Variants in NAXE observed in about 807,000 individuals in gnomAD.
NAXE encodes the protein NAD(P)HX epimerase, also known as NAD(P)H-hydrate epimerase.
NAXE carries 25 observed loss-of-function variants against 31.2 expected under a neutral mutation model. The ratio of observed to expected loss-of-function variants is 0.80; its 90% confidence interval spans 0.58 to 1.12. The LOEUF is 1.12. NAXE is among the 50% of genes most tolerant of loss of function. The pLI, the probability that NAXE is intolerant of heterozygous loss-of-function variation, is 0.00. For missense variants in NAXE, 362 were observed against 376.1 expected (o/e 0.96, Z 0.31); for synonymous variants, 144 against 154.5 (o/e 0.93, Z 0.50).
At chr1:156,592,292 G>T (rs1248160216) in intron 2 of NAXE, 73 bp from the exon 3 acceptor site, 13 of 1,602,888 alleles carry the variant, frequency 8.1e-6, no homozygotes, top group Non-Finnish European at 1.1e-5. Flanking sequence ...CAAAGGGGTG[G>T]GAGAGACAGC....
At chr1:156,592,790 G>A in intron 4 of NAXE, 120 bp downstream of exon 4, 1 of 896,846 alleles carries the variant, frequency 1.1e-6, no homozygotes, top group Non-Finnish European at 1.7e-6. Flanking sequence ...CCTAACGGAT[G>A]GTATTCGAAT....
Position 156,591,895 on chromosome 1 carries a change from T to G in NAXE, c.91T>G (p.Ser31Ala). Residue 31 changes from serine to alanine, a missense_variant, in exon 1 of 6, where the codon TCG (serine) becomes GCG (alanine). Physicochemically the swap from Ser to Ala is moderately conservative, Grantham distance 99. Transcript: ENST00000368235. Reference protein sequence around the residue: ...RIKSQTIACRSGPTWWGPQRL... With the variant: ...RIKSQTIACRAGPTWWGPQRL... ...CAAAAGCCAGACCATCGCCTGTCGC[T>G]CGGGACCCACCTGGTGGGGACCGCA... 3 of 1,612,492 alleles carry G rather than the reference T, an allele frequency of 1.9e-6. No homozygotes were observed. The highest frequency in any genetic ancestry group is 2.5e-6 in the Non-Finnish European group (3 of 1,179,724).
Position 156,593,575 on chromosome 1 carries a change from G to A in NAXE, c.664+20G>A, listed in dbSNP as rs769505935. 6.2e-6 allele frequency: 10 copies of A among 1,613,924 alleles called. No individual in the cohort carries two copies. The South Asian group carries it at 1.1e-4, about 18-fold the overall frequency. ...CCTCAGGTGCTGGGATCCAGAAGGT[G>A]GGGTGGGGGAGATTGGGGCCCTACC... On this transcript the variant is annotated intron_variant, in intron 5 of 5. Coordinates refer to ENST00000368235, the MANE Select transcript of NAXE (RefSeq NM_144772.3).
chr1:156,593,644 A>G lies in NAXE; in HGVS notation c.664+89A>G, dbSNP rs777412630. The G allele has an allele frequency of 4.4e-5, 68 of 1,554,944 alleles. 1 individual carries two copies. The Admixed American group carries it at 1.2e-3, about 27-fold the overall frequency. On this transcript the variant is annotated intron_variant, in intron 5 of 5. Transcript: ENST00000368235. ...ACCAGGTCTAAAATAATTTTAGTCT[A>G]GAGGGGCAGAACACAGCTTTCTGGA...
Position 156,591,776 on chromosome 1 carries a change from G to GGCCC in NAXE, c.-28_-27insCCCG. The GGCCC allele has an allele frequency of 7.0e-7, 1 of 1,421,520 alleles. No homozygotes were observed. The highest frequency in any genetic ancestry group is 1.5e-5 in the African/African-American group (1 of 65,872). The allele number at this position is 1,421,520 out of a possible 1,614,324, so 88.1% of individuals were successfully genotyped here. A position where few individuals can be genotyped will look rare whatever the true frequency, so the allele number is the denominator to read the frequency against. The stretch of plus-strand genomic sequence containing the variant: ...GCCGCACATGCGCCGGGGCCGGGCC[G>GGCCC]GGCCGGGGGCGCGCGCTCTGCGAGC... On this transcript the variant is annotated 5_prime_UTR_variant, in exon 1 of 6. Coordinates refer to ENST00000368235, the MANE Select transcript of NAXE (RefSeq NM_144772.3).
Position 156,591,985 on chromosome 1 carries a change from A to G in NAXE, c.181A>G (p.Ser61Gly). ...VMASTVVKYL[S>G]QEEAQAVDQE... is the part of the protein sequence containing the mutation. ...GGCGAGCACGGTGGTGAAGTACCTG[A>G]GGTAGGCACGGGTCTCGGGTGGCCT... Residue 61 changes from serine to glycine, a missense_variant and splice_region_variant, in exon 1 of 6, where the codon AGC becomes GGC. By Grantham distance (56) the Ser-to-Gly change is moderately conservative (BLOSUM62 0). Transcript: ENST00000368235. 1 of 1,612,740 alleles carries G rather than the reference A, an allele frequency of 6.2e-7. No homozygotes were observed. The highest frequency in any genetic ancestry group is 8.5e-7 in the Non-Finnish European group (1 of 1,179,656).
chr1:156,591,969 G>A lies in NAXE; in HGVS notation c.165G>A (p.Thr55=), dbSNP rs201370740. 562 of 1,613,242 alleles carry A rather than the reference G, an allele frequency of 3.5e-4. No individual in the cohort carries two copies. The East Asian group carries it at 0.012, about 34-fold the overall frequency. ...GGGACTCAGAGGTCATGGCGAGCACGGTGGTGAAGTACCTGAGGTAGGCAC... is the reference window on the plus strand; with the variant it reads ...GGGACTCAGAGGTCATGGCGAGCACAGTGGTGAAGTACCTGAGGTAGGCAC... The part of the protein sequence containing the change: ...GRWDSEVMAS[T]VVKYLSQEEA... Residue 55 remains threonine (T), a synonymous_variant, in exon 1 of 6, where the codon ACG becomes ACA. Coordinates refer to ENST00000368235, the MANE Select transcript of NAXE (RefSeq NM_144772.3).
chr1:156,592,358 C>T lies in NAXE; in HGVS notation c.292-7C>T, dbSNP rs375111206. The T allele has an allele frequency of 1.2e-6, 2 of 1,613,676 alleles. No individual in the cohort carries two copies. Among genetic ancestry groups the T allele is most frequent in the Non-Finnish European group, 1.7e-6 (2 of 1,179,674 alleles). On this transcript the variant is annotated splice_region_variant and splice_polypyrimidine_tract_variant and intron_variant, in intron 2 of 5. Transcript: ENST00000368235. Reference sequence around the variant, plus strand: ...CCCCGCCGAACCACCCTTGACTCTGCCTTCAGGCATATCCCCCCACGTCCA... The same window carrying T: ...CCCCGCCGAACCACCCTTGACTCTGTCTTCAGGCATATCCCCCCACGTCCA...
At chr1:156,592,994 C>A in intron 4 of NAXE, 1 of 412,604 alleles carries the variant, frequency 2.4e-6, no homozygotes, top group Non-Finnish European at 4.4e-6. Flanking sequence ...ATCTGAAACC[C>A]TTCCTGCAGA....
chr1:156,591,935 G>T lies in NAXE; in HGVS notation c.131G>T (p.Gly44Val). 1 of 1,612,910 alleles carries T rather than the reference G, an allele frequency of 6.2e-7. No homozygotes were observed. The change falls in exon 1 of 6, where the codon GGT (glycine) becomes GTT (valine). Residue 44 changes from glycine to valine, a missense_variant. Coordinates refer to ENST00000368235, the MANE Select transcript of NAXE (RefSeq NM_144772.3). ...TGGGGACCGCAGCGGCTGAACTCGG[G>T]TGGCCGCTGGGACTCAGAGGTCATG... ...TWWGPQRLNSGGRWDSEVMAS... is the reference protein window; with the variant it reads ...TWWGPQRLNSVGRWDSEVMAS...
At chr1:156,593,720 C>G (rs1433332677) in intron 5 of NAXE, 162 bp from the exon 6 acceptor site, 3 of 1,323,610 alleles carry the variant, frequency 2.3e-6, no homozygotes, top group Non-Finnish European at 3.1e-6. Context: ...TACATGTTGG[C>G]CCCATGAAGA....
At chr1:156,593,174 T>C in intron 4 of NAXE, 1 of 515,628 alleles carries the variant, frequency 1.9e-6, no homozygotes, top group East Asian at 3.3e-5. Context: ...TCTCAGCCTG[T>C]AGCCTCCCCA....
rs1299902294 is a variant in NAXE at position 156,591,844 on chromosome 1, G to A, written c.40G>A (p.Val14Ile). Residue 14 changes from valine (V) to isoleucine (I), a missense_variant, in exon 1 of 6, where the codon GTT becomes ATT. Transcript: ENST00000368235. The stretch of plus-strand genomic sequence containing the variant: ...GGCGCTGCTGGGCCTCGGGCTGCTG[G>A]TTGCGGGCTCGCGCGTGCCGCGGAT... Reference protein sequence around the residue: ...LRALLGLGLLVAGSRVPRIKS... With the variant: ...LRALLGLGLLIAGSRVPRIKS... 79 of 1,609,854 alleles carry A rather than the reference G, an allele frequency of 4.9e-5. No individual in the cohort carries two copies. Among genetic ancestry groups the A allele is most frequent in the Non-Finnish European group, 6.6e-5 (78 of 1,179,340 alleles).
rs766654154 is a variant in NAXE at position 156,593,208 on chromosome 1, C to G, written c.517-200C>G. 1.4e-5 allele frequency: 9 copies of G among 624,372 alleles called. No homozygotes were observed. In the East Asian group the frequency reaches 2.2e-4, roughly 16 times the overall value. 38.7% of individuals were successfully genotyped at this position (624,372 alleles called of 1,614,324 possible). A position where few individuals can be genotyped will look rare whatever the true frequency, so the allele number is the denominator to read the frequency against. Reference sequence around the variant, plus strand: ...CAGTGGTGGGCAGGCAGGCAGGCACCGAGAACAAAAACTGTCTGGTCTCAA... The same window carrying G: ...CAGTGGTGGGCAGGCAGGCAGGCACGGAGAACAAAAACTGTCTGGTCTCAA... On this transcript the variant is annotated intron_variant, in intron 4 of 5. Transcript: ENST00000368235.
Position 156,592,449 on chromosome 1 carries a change from G to C in NAXE, c.376G>C (p.Val126Leu). 1 of 1,614,154 alleles carries C rather than the reference G, an allele frequency of 6.2e-7. No homozygotes were observed. Among genetic ancestry groups the C allele is most frequent in the Non-Finnish European group, 8.5e-7 (1 of 1,180,032 alleles). Residue 126 changes from valine to leucine, a missense_variant, in exon 3 of 6, where the codon GTC becomes CTC. Physicochemically the swap from Val to Leu is conservative, Grantham distance 32. Transcript: ENST00000368235. The part of the protein sequence containing the change: ...GPGNNGGDGL[V>L]CARHLKLFGY... ...GGGGAATAATGGAGGAGATGGTCTGGTCTGTGCTCGACACCTCAAACTCTT... is the reference window on the plus strand; with the variant it reads ...GGGGAATAATGGAGGAGATGGTCTGCTCTGTGCTCGACACCTCAAACTCTT...
At chr1:156,593,349 C>G in intron 4 of NAXE, 59 bp from the exon 5 acceptor site, 1 of 1,571,742 alleles carries the variant, frequency 6.4e-7, no homozygotes, top group Non-Finnish European at 8.6e-7. Context: ...ACAGCCCTCT[C>G]CAGTTAAGGC....
At position 156,592,091 on chromosome 1, in the gene NAXE, T is replaced by A; in HGVS notation, c.183-10T>A. 1 of 1,614,014 alleles carries A rather than the reference T, an allele frequency of 6.2e-7. No individual in the cohort carries two copies. The highest frequency in any genetic ancestry group is 1.1e-5 in the South Asian group (1 of 91,058). ...CGAGGGGCGGGACTCAGGCCGCGGG[T>A]TTTCCTCAGCCAGGAGGAGGCCCAG... is the stretch of plus-strand genomic sequence containing the variant. On this transcript the variant is annotated splice_polypyrimidine_tract_variant and intron_variant, in intron 1 of 5. Coordinates refer to ENST00000368235, the MANE Select transcript of NAXE (RefSeq NM_144772.3).
rs1027353974 is a variant in NAXE at position 156,591,790 on chromosome 1, C to A, written c.-15C>A. 66 of 1,537,434 alleles carry A rather than the reference C, an allele frequency of 4.3e-5. No individual in the cohort carries two copies. Among genetic ancestry groups the A allele is most frequent in the Non-Finnish European group, 5.6e-5 (65 of 1,151,232 alleles). On this transcript the variant is annotated 5_prime_UTR_variant, in exon 1 of 6. Coordinates refer to ENST00000368235, the MANE Select transcript of NAXE (RefSeq NM_144772.3). The stretch of plus-strand genomic sequence containing the variant: ...GGGGCCGGGCCGGGCCGGGGGCGCG[C>A]GCTCTGCGAGCTGGATGTCCAGGCT...
chr1:156,593,473 C>G lies in NAXE; in HGVS notation c.582C>G (p.Gly194=). 1.9e-6 allele frequency: 3 copies of G among 1,614,150 alleles called. No homozygotes were observed. The highest frequency in any genetic ancestry group is 2.5e-6 in the Non-Finnish European group (3 of 1,180,030). Residue 194 remains glycine (G), a synonymous_variant, in exon 5 of 6, where the codon GGC becomes GGG. Coordinates refer to ENST00000368235, the MANE Select transcript of NAXE (RefSeq NM_144772.3). ...VDAIFGFSFK[G]DVREPFHSIL... ...CCATCTTTGGCTTCAGCTTCAAGGG[C>G]GATGTTCGGGAACCGTTCCACAGCA... is the stretch of plus-strand genomic sequence containing the variant.
Sources: gnomAD v4.1 joint callset for allele counts on GRCh38, gnomAD v4.1.1 for gene constraint, MANE v1.5 for transcripts, NCBI Gene and HGNC (gene_info 2026-07-23, HGNC 2026-07-21) for gene names.